Variants in PPM1B observed in about 807,000 individuals in gnomAD.
PPM1B encodes the protein protein phosphatase 1B.
Under a neutral mutation model 43.0 loss-of-function variants are expected in PPM1B, and 22 were observed. That is an observed-to-expected ratio of 0.51 (90% CI 0.37 to 0.73). The LOEUF is 0.73. Ranked by LOEUF, PPM1B falls within the 30% of genes least tolerant of loss-of-function variation. PPM1B has a pLI of 0.00. For missense variants in PPM1B, 632 were observed against 584.2 expected, an observed-to-expected ratio of 1.08 and a Z score of -0.84; for synonymous variants, 217 against 197.9, an observed-to-expected ratio of 1.10 and a Z score of -0.81.
chr2:44,234,719 G>A (rs1157436382), downstream of PPM1B: 5 of 578,930 alleles, frequency 8.6e-6, no homozygotes, highest in Non-Finnish European at 1.1e-5. Flanking sequence ...GTATACTCCA[G>A]TGAACTTTTG....
intron 1 of PPM1B, among the ~76,000 whole-genome samples, chr2:44,173,186 G>C (rs1236736966): frequency 6.6e-6 from 1 of 152,140 alleles, no homozygotes; most frequent in Non-Finnish European, 1.5e-5. Context: ...GGCCAAAAAA[G>C]ACTAACAGAC....
downstream of PPM1B, among the ~76,000 whole-genome samples, chr2:44,231,837 T>A (rs1326381134): frequency 6.6e-6 from 1 of 152,180 alleles, no homozygotes; most frequent in African/African-American, 2.4e-5. Context: ...TTTAAAATAG[T>A]GGCAGATGAG....
chr2:44,173,252 T>A (rs1185769641), intron 1 of PPM1B, among the ~76,000 whole-genome samples: 1 of 152,238 alleles, frequency 6.6e-6, no homozygotes, highest in Non-Finnish European at 1.5e-5. Context: ...TTCTTGATGA[T>A]GTTACAAAAT....
intron 2 of PPM1B, among the ~76,000 whole-genome samples, chr2:44,202,579 CTA>C (rs1421735789): frequency 6.7e-6 from 1 of 149,410 alleles, no homozygotes; most frequent in Non-Finnish European, 1.5e-5. Flanking sequence ...GCAATACAAT[CTA>C]AAAAGGATTT....
chr2:44,197,611 CTAT>C (rs1158222788), intron 1 of PPM1B, among the ~76,000 whole-genome samples: 1 of 152,030 alleles, frequency 6.6e-6, no homozygotes, highest in Non-Finnish European at 1.5e-5. Flanking sequence ...ATTTATATAA[CTAT>C]TATTTATTTT....
chr2:44,244,474 T>C (rs1670814917), downstream of PPM1B: 6 of 945,672 alleles, frequency 6.3e-6, no homozygotes, highest in Non-Finnish European at 8.0e-6. Context: ...TCATATTTTT[T>C]CCTGTCCATG....
chr2:44,236,749 C>G (rs150514583), downstream of PPM1B, among the ~76,000 whole-genome samples: 1 of 152,054 alleles, frequency 6.6e-6, no homozygotes, highest in Non-Finnish European at 1.5e-5. Context: ...TTTTGCTGAC[C>G]AAATATTATT....
At chr2:44,195,357 C>T (rs1668611600) in intron 1 of PPM1B, among the ~76,000 whole-genome samples, 1 of 152,154 alleles carries the variant, frequency 6.6e-6, no homozygotes, top group Non-Finnish European at 1.5e-5. Flanking sequence ...GCATACGCCA[C>T]CATGCTAGGC....
At chr2:44,232,510 TTTCTG>T, downstream of PPM1B, 1 of 1,466,804 alleles carries the variant, frequency 6.8e-7, no homozygotes, top group East Asian at 2.4e-5. Flanking sequence ...ATATTTGTGT[TTTCTG>T]ACAGTTGCCA....
At position 44,217,982 on chromosome 2, in the gene PPM1B, C is replaced by T; in HGVS notation, c.980C>T (p.Ser327Phe). 6.2e-7 allele frequency: 1 copy of T among 1,603,022 alleles called. No individual in the cohort carries two copies. Among genetic ancestry groups the T allele is most frequent in the Non-Finnish European group, 8.5e-7 (1 of 1,176,136 alleles). Residue 327 changes from serine (S) to phenylalanine (F), a missense_variant, in exon 4 of 6, where the codon TCT becomes TTT. Physicochemically the swap from Ser to Phe is radical, Grantham distance 155. This residue lies in a region of PPM1B where 392 missense variants were observed against 302.7 expected (regional missense o/e 1.29). Transcript: ENST00000282412. ...AAACCTACAGAGATTATGGAGAAGT[C>T]TGGCGAGGAAGGAATGCCTGATCTT... ...ESRVEEIMEK[S>F]GEEGMPDLAH...
In PPM1B at chr2:44,216,165, G is replaced by C. The variant is rs368656155; in HGVS notation, c.965-1802G>C. On this transcript the variant is annotated intron_variant, in intron 3 of 5. Transcript: ENST00000282412. ...TGTATGGAGAAGAGATTGTATAAAAGGGACAAGAGAAGCCAAAATACCGAT... is the reference window on the plus strand; with the variant it reads ...TGTATGGAGAAGAGATTGTATAAAACGGACAAGAGAAGCCAAAATACCGAT... Among the ~76,000 whole-genome samples the C allele has an allele frequency of 2.0e-5, 3 of 152,266 alleles. No homozygotes were observed. In the East Asian group the frequency reaches 5.8e-4, roughly 29 times the overall value.
At chr2:44,187,726 C>T (rs1027184731) in intron 1 of PPM1B, among the ~76,000 whole-genome samples, 11 of 152,118 alleles carry the variant, frequency 7.2e-5, no homozygotes, top group African/African-American at 2.7e-4. Flanking sequence ...CATTGCATTT[C>T]CTGGATTGAA....
intron 5 of PPM1B, among the ~76,000 whole-genome samples, chr2:44,219,755 C>T (rs1189362461): frequency 6.6e-6 from 1 of 151,932 alleles, no homozygotes; most frequent in Non-Finnish European, 1.5e-5. Flanking sequence ...ACCAGCCTGA[C>T]CAACATGGAG....
At chr2:44,235,734 C>T (rs781591760), downstream of PPM1B, among the ~76,000 whole-genome samples, 3 of 151,450 alleles carry the variant, frequency 2.0e-5, no homozygotes, top group Non-Finnish European at 2.9e-5. Flanking sequence ...GGTTTCTACA[C>T]ACAAAAAAAT....
chr2:44,189,368 ATT>A (rs945156558), intron 1 of PPM1B, among the ~76,000 whole-genome samples: 8 of 152,196 alleles, frequency 5.3e-5, no homozygotes, highest in Non-Finnish European at 1.2e-4. Flanking sequence ...GCATGATCCT[ATT>A]TTACTACATC....
downstream of PPM1B, chr2:44,233,591 A>G (rs535635015): frequency 1.9e-5 from 19 of 985,826 alleles, no homozygotes; most frequent in African/African-American, 3.1e-4. Context: ...CTGTATGTTT[A>G]AATTGTGTTT....
chr2:44,208,137 C>A (rs903651116), intron 2 of PPM1B, among the ~76,000 whole-genome samples: 1 of 151,898 alleles, frequency 6.6e-6, no homozygotes, highest in African/African-American at 2.4e-5. Flanking sequence ...ATCTGCCCTC[C>A]TCAGCCTCCC....
rs1223417975 is a variant in PPM1B at position 44,230,529 on chromosome 2, T to A, written c.1251T>A (p.Ser417Arg). The change falls in exon 6 of 6, where the codon AGT becomes AGA. Residue 417 changes from serine to arginine, a missense_variant. Around this residue, in one of 3 missense-constraint regions of PPM1B, gnomAD observed 392 missense variants for 302.7 expected, o/e 1.29. Coordinates refer to ENST00000282412, the MANE Select transcript of PPM1B (RefSeq NM_002706.6). ...AACTTCTGGAGGAGATGCTGACTAG[T>A]TACAGGCTAGCTAAAGTAGAGGGAG... ...YRQLLEEMLT[S>R]YRLAKVEGEE... 1.9e-6 allele frequency: 3 copies of A among 1,614,124 alleles called. 1 individual carries two copies. In the South Asian group the frequency reaches 3.3e-5, roughly 18 times the overall value.
chr2:44,188,543 C>T (rs1023450642), intron 1 of PPM1B, among the ~76,000 whole-genome samples: 4 of 151,766 alleles, frequency 2.6e-5, no homozygotes, highest in African/African-American at 4.8e-5. Context: ...ATCACAGGCA[C>T]GCGCCAGCAT....
Sources: gnomAD v4.1 joint callset for allele counts (sites outside exome capture counted in the v4.1 genomes callset) on GRCh38, gnomAD v4.1.1 for gene constraint, gnomAD v4.1.1 regional missense constraint, MANE v1.5 for transcripts, NCBI Gene and HGNC (gene_info 2026-07-23, HGNC 2026-07-21) for gene names.